The following GABBR2 variants were observed in gnomAD, a reference collection of about 807,000 sequenced individuals.
The protein encoded by GABBR2 is G-protein coupled receptor 51.
A neutral mutation model predicts 105.6 loss-of-function variants in GABBR2; 23 were observed. The ratio of observed to expected loss-of-function variants is 0.22; its 90% CI spans 0.16 to 0.31. The LOEUF (loss-of-function observed/expected upper bound fraction) is 0.31, where lower values mean the gene tolerates loss of function less well. Among genes scored for constraint, GABBR2 ranks in the 10% least tolerant of loss-of-function variants. GABBR2 has a pLI of 1.00. For missense variants in GABBR2, 734 were observed against 1,245.5 expected (o/e 0.59, Z 6.18); for synonymous variants, 478 against 499.7 (o/e 0.96, Z 0.58).
At chr9:98,573,464 TG>T (rs1828863874) in intron 2 of GABBR2, among the ~76,000 whole-genome samples, 1 of 152,178 alleles carries the variant, frequency 6.6e-6, no homozygotes, top group African/African-American at 2.4e-5. Context: ...TATAATTTTT[TG>T]TAGAGATGAG....
chr9:98,293,994 G>T, intron 17 of GABBR2, 92 bp from the exon 18 acceptor site: 1 of 799,802 alleles, frequency 1.3e-6, no homozygotes. Flanking sequence ...TGCCCCAAGA[G>T]ACAGAATGCA....
At chr9:98,376,608 C>CAGGGCCCATCTTGTCTTCT (rs1288649149) in intron 11 of GABBR2, among the ~76,000 whole-genome samples, 1 of 152,170 alleles carries the variant, frequency 6.6e-6, no homozygotes, top group Non-Finnish European at 1.5e-5. Context: ...CTGAGGTCTC[C>CAGGGCCCATCTTGTCTTCT]AGGGCCCATC....
At chr9:98,326,758 C>T (rs867165096) in intron 13 of GABBR2, among the ~76,000 whole-genome samples, 1 of 152,242 alleles carries the variant, frequency 6.6e-6, no homozygotes, top group East Asian at 1.9e-4. Context: ...CTGGCCAATA[C>T]AGAAGGGCAA....
intron 7 of GABBR2, among the ~76,000 whole-genome samples, chr9:98,443,344 G>A (rs897804903): frequency 6.6e-6 from 1 of 152,150 alleles, no homozygotes; most frequent in African/African-American, 2.4e-5. Context: ...ACTTGATGAA[G>A]TCAAACTTGC....
chr9:98,439,544 A>G (rs1380708725), intron 7 of GABBR2, among the ~76,000 whole-genome samples: 2 of 152,214 alleles, frequency 1.3e-5, no homozygotes, highest in South Asian at 2.1e-4. Context: ...CAAGTTTGAA[A>G]ACTCCTGGAA....
In GABBR2 at chr9:98,473,177, C is replaced by T. The variant is rs1366551478; in HGVS notation, c.968G>A (p.Ser323Asn). Residue 323 changes from serine to asparagine, a missense_variant, in exon 6 of 19, where the codon AGC becomes AAC. Physicochemically the swap from Ser to Asn is conservative, Grantham distance 46 (BLOSUM62 1). Transcript: ENST00000259455. ...GYIGVDFEPL[S>N]SKQIKTISGK... Reference sequence around the variant, plus strand: ...TGAGATGGTCTTGATCTGCTTGGAGCTCAGGGGCTCGAAATCCACGCCAAT... The same window carrying T: ...TGAGATGGTCTTGATCTGCTTGGAGTTCAGGGGCTCGAAATCCACGCCAAT... 1 of 1,613,596 alleles carries T rather than the reference C, an allele frequency of 6.2e-7. No homozygotes were observed. The highest frequency in any genetic ancestry group is 1.3e-5 in the African/African-American group (1 of 74,822).
chr9:98,338,539 CATT>C (rs1327255330), intron 13 of GABBR2, among the ~76,000 whole-genome samples: 4 of 152,162 alleles, frequency 2.6e-5, no homozygotes, highest in African/African-American at 9.7e-5. Flanking sequence ...CACCATTAGT[CATT>C]AGTTATTTGA....
At chr9:98,585,446 A>T (rs918291156) in intron 1 of GABBR2, among the ~76,000 whole-genome samples, 3 of 142,404 alleles carry the variant, frequency 2.1e-5, no homozygotes, top group Admixed American at 7.1e-5. Context: ...AACAATGAGA[A>T]CACATGGACA....
At chr9:98,408,557 G>T (rs977706471) in intron 7 of GABBR2, among the ~76,000 whole-genome samples, 1 of 152,206 alleles carries the variant, frequency 6.6e-6, no homozygotes, top group Non-Finnish European at 1.5e-5. Context: ...TTCTCAAGAA[G>T]TTCTGCCCAA....
At chr9:98,401,051 G>T (rs1267429450) in intron 8 of GABBR2, among the ~76,000 whole-genome samples, 1 of 150,954 alleles carries the variant, frequency 6.6e-6, no homozygotes, top group African/African-American at 2.4e-5. Flanking sequence ...GTAAATCTGG[G>T]GTCACTGTTA....
At chr9:98,580,951 G>A (rs1171217672) in intron 1 of GABBR2, 1 of 152,072 alleles carries the variant, frequency 6.6e-6, no homozygotes, top group African/African-American at 2.4e-5. Flanking sequence ...CTATATGGGA[G>A]CAGAGTGAAC....
chr9:98,358,795 G>T (rs917964975), intron 13 of GABBR2, among the ~76,000 whole-genome samples: 9 of 152,112 alleles, frequency 5.9e-5, no homozygotes, highest in African/African-American at 2.2e-4. Flanking sequence ...CCCTGAGAGG[G>T]ACTGTGTGTA....
chr9:98,411,646 C>T (rs377080461), intron 7 of GABBR2, among the ~76,000 whole-genome samples: 1 of 151,998 alleles, frequency 6.6e-6, no homozygotes, highest in Non-Finnish European at 1.5e-5. Context: ...ACTGAAACCT[C>T]GAGCTCCTGG....
At chr9:98,418,659 T>C (rs1341991675) in intron 7 of GABBR2, among the ~76,000 whole-genome samples, 12 of 152,214 alleles carry the variant, frequency 7.9e-5, no homozygotes, top group Non-Finnish European at 2.9e-5. Context: ...GCCTTAAAGA[T>C]ACCCCGGAAG....
chr9:98,305,252 T>TATAAGTGGCTACTAAA (rs1425592959), intron 15 of GABBR2, among the ~76,000 whole-genome samples: 1 of 152,136 alleles, frequency 6.6e-6, no homozygotes, highest in Non-Finnish European at 1.5e-5. Context: ...AAATGGAACA[T>TATAAGTGGCTACTAAA]ATAAGTGGCT....
intron 1 of GABBR2, chr9:98,607,493 T>C (rs1829443254): frequency 8.6e-6 from 5 of 581,766 alleles, no homozygotes; most frequent in Non-Finnish European, 1.5e-5. Flanking sequence ...TTAAAATATA[T>C]GAATTTCTAG....
intron 4 of GABBR2, among the ~76,000 whole-genome samples, chr9:98,489,033 T>C (rs1362018172): frequency 6.6e-6 from 1 of 152,218 alleles, no homozygotes; most frequent in Non-Finnish European, 1.5e-5. Flanking sequence ...TTTGGTCTCA[T>C]AGGCCATATA....
At chr9:98,519,155 A>G (rs1437544186) in intron 3 of GABBR2, among the ~76,000 whole-genome samples, 1 of 152,156 alleles carries the variant, frequency 6.6e-6, no homozygotes, top group African/African-American at 2.4e-5. Context: ...TGAGCAACTG[A>G]AGGGCCTGAA....
intron 1 of GABBR2, among the ~76,000 whole-genome samples, chr9:98,705,538 A>C (rs1033629449): frequency 6.6e-6 from 1 of 152,216 alleles, no homozygotes; most frequent in African/African-American, 2.4e-5. Flanking sequence ...TGTTCACCAC[A>C]TCCACCCTGT....
Sources: gnomAD v4.1 joint callset for allele counts (sites outside exome capture counted in the v4.1 genomes callset) on GRCh38, gnomAD v4.1.1 for gene constraint, MANE v1.5 for transcripts, NCBI Gene and HGNC (gene_info 2026-07-23, HGNC 2026-07-21) for gene names.